Variants in ERAP1 observed in about 807,000 individuals in gnomAD.
ERAP1 encodes the protein endoplasmic reticulum aminopeptidase 1.
ERAP1 carries 86 observed loss-of-function variants against 103.7 expected under a neutral mutation model. That is an observed-to-expected ratio of 0.83 (90% confidence interval 0.70 to 0.99). ERAP1 has a LOEUF of 0.99. ERAP1 is among the 50% of genes least tolerant of loss of function. The pLI is 0.00. For synonymous variants in ERAP1, 398 were observed against 402.4 expected (o/e 0.99, Z 0.13); for missense variants, 1,009 against 1,128.4 (o/e 0.89, Z 1.52).
the ERAP1 span, among the ~76,000 whole-genome samples, chr5:96,923,275 G>A: frequency 1.3e-5 from 2 of 152,164 alleles, no homozygotes; most frequent in East Asian, 3.9e-4. Context: ...GGTCCTGGCT[G>A]TTTGGATTTT....
At chr5:96,880,162 C>G in the ERAP1 span, 1 of 1,614,052 alleles carries the variant, frequency 6.2e-7, no homozygotes. Context: ...TTACGCCTCA[C>G]CTGAAATACT....
rs1773881609 is a variant in ERAP1 at position 96,775,024 on chromosome 5, A to G, written c.*1372T>C. The G allele has an allele frequency of 5.1e-6, 5 of 985,210 alleles. No individual in the cohort carries two copies. The highest frequency in any genetic ancestry group is 6.0e-6 in the Non-Finnish European group (5 of 829,778). 61.0% of individuals were successfully genotyped at this position (985,210 alleles called of 1,614,324 possible). A position where few individuals can be genotyped will look rare whatever the true frequency, so the allele number is the denominator to read the frequency against. On this transcript the variant is annotated 3_prime_UTR_variant, in exon 19 of 19. Transcript: ENST00000443439. Reference sequence around the variant, plus strand: ...GTGAGGATTTCCGCACCTTAGAGTCAGCGCAAAACACGCTGCAACTTGAAT... The same window carrying G: ...GTGAGGATTTCCGCACCTTAGAGTCGGCGCAAAACACGCTGCAACTTGAAT...
chr5:96,864,812 ACTT>A, the ERAP1 span, among the ~76,000 whole-genome samples: 1 of 152,096 alleles, frequency 6.6e-6, no homozygotes, highest in Non-Finnish European at 1.5e-5. Flanking sequence ...AGGGAACAAT[ACTT>A]TTTTTTTCAA....
At chr5:96,817,127 ACTTGG>A in the ERAP1 span, among the ~76,000 whole-genome samples, 1 of 152,180 alleles carries the variant, frequency 6.6e-6, no homozygotes. Flanking sequence ...TAACCTAAAG[ACTTGG>A]GGTTGGAGGG....
At chr5:96,895,502 A>C in the ERAP1 span, 1 of 655,940 alleles carries the variant, frequency 1.5e-6, no homozygotes, top group Non-Finnish European at 2.7e-6. Flanking sequence ...TACACGAAAC[A>C]GATCACAGAA....
chr5:96,886,463 AG>A, the ERAP1 span, among the ~76,000 whole-genome samples: 1 of 152,172 alleles, frequency 6.6e-6, no homozygotes, highest in African/African-American at 2.4e-5. Context: ...TGTTTTCAAC[AG>A]AGTGTTGGGG....
At chr5:96,863,885 T>C in the ERAP1 span, among the ~76,000 whole-genome samples, 2 of 152,196 alleles carry the variant, frequency 1.3e-5, no homozygotes, top group African/African-American at 4.8e-5. Context: ...GCTCCTTTAG[T>C]ATCACTTCTT....
the ERAP1 span, among the ~76,000 whole-genome samples, chr5:96,841,747 C>CTTTTTTTTT: frequency 1.8e-4 from 19 of 108,506 alleles, no homozygotes; most frequent in African/African-American, 2.1e-4. Flanking sequence ...TCTTCTTCTT[C>CTTTTTTTTT]TTTTTTTTTT....
intron 8 of ERAP1, 150 bp downstream of exon 8, chr5:96,791,911 A>T (rs1776770589): frequency 1.4e-6 from 1 of 713,292 alleles, no homozygotes; most frequent in Non-Finnish European, 2.4e-6. Flanking sequence ...ACTGCAAGTT[A>T]GTCCTAAAAG....
rs1259380103 is a variant in ERAP1 at position 96,783,956 on chromosome 5, T to C, written c.2068A>G (p.Arg690Gly). ...TGAGTTTCCACTTCATTCATATCTC[T>C]TTTCTCCATTAACTTATACATAGGA... ...LIPMYKLMEK[R>G]DMNEVETQFK... Residue 690 changes from arginine (R) to glycine (G), a missense_variant, in exon 14 of 19, where the codon AGA becomes GGA. Around this residue, in one of 3 missense-constraint regions of ERAP1, gnomAD observed 611 missense variants for 651.7 expected, o/e 0.94. Transcript: ENST00000443439. 1 of 1,613,688 alleles carries C rather than the reference T, an allele frequency of 6.2e-7. No homozygotes were observed. Among genetic ancestry groups the C allele is most frequent in the African/African-American group, 1.3e-5 (1 of 74,912 alleles).
At chr5:96,876,350 A>T in the ERAP1 span, 1 of 152,340 alleles carries the variant, frequency 6.6e-6, no homozygotes, top group Non-Finnish European at 1.5e-5. Context: ...TTCTACAAAA[A>T]GTTTCTTGTC....
At chr5:96,761,143 A>G (rs1400710624) in exon 20 of ERAP1, 3 of 152,218 alleles carry the variant, frequency 2.0e-5, no homozygotes, top group Admixed American at 6.5e-5. Context: ...ATTAAATAAC[A>G]TATGCACATA....
the ERAP1 span, among the ~76,000 whole-genome samples, chr5:96,926,071 C>T: frequency 1.7e-4 from 26 of 151,814 alleles, no homozygotes; most frequent in African/African-American, 6.0e-4. Flanking sequence ...CCACCACGCC[C>T]GACTAATTTT....
the ERAP1 span, among the ~76,000 whole-genome samples, chr5:96,931,570 G>A: frequency 6.6e-6 from 1 of 152,184 alleles, no homozygotes; most frequent in South Asian, 2.1e-4. Flanking sequence ...TCTAGTAGGG[G>A]TGAGGTGAAG....
chr5:96,803,599 C>T lies in ERAP1; in HGVS notation c.328G>A (p.Gly110Arg). 1 of 1,614,186 alleles carries T rather than the reference C, an allele frequency of 6.2e-7. No homozygotes were observed. The highest frequency in any genetic ancestry group is 1.3e-5 in the African/African-American group (1 of 75,036). Residue 110 changes from glycine to arginine, a missense_variant, in exon 2 of 19, where the codon GGA becomes AGA. Physicochemically the swap from Gly to Arg is moderately radical, Grantham distance 125. Coordinates refer to ENST00000443439, the MANE Select transcript of ERAP1 (RefSeq NM_001040458.3). The stretch of plus-strand genomic sequence containing the variant: ...TCTTCCGATAGCCTCTCTCCAGCTC[C>T]CTTCCTGAGGGTGGCCCTAGATATC... ...LQISRATLRK[G>R]AGERLSEEPL...
At chr5:96,883,533 A>G in the ERAP1 span, among the ~76,000 whole-genome samples, 1 of 152,204 alleles carries the variant, frequency 6.6e-6, no homozygotes, top group Admixed American at 6.5e-5. Flanking sequence ...TCTGAGCCTC[A>G]ATATCCTTGT....
chr5:96,879,439 A>G, the ERAP1 span: 9 of 417,534 alleles, frequency 2.2e-5, no homozygotes, highest in African/African-American at 1.6e-4. Context: ...TTTTGTGGAT[A>G]CTTGGCCTAA....
At chr5:96,859,158 A>T in the ERAP1 span, among the ~76,000 whole-genome samples, 1 of 151,656 alleles carries the variant, frequency 6.6e-6, no homozygotes, top group African/African-American at 2.4e-5. Context: ...AATTAGCACA[A>T]GGCCTTCGTT....
chr5:96,865,966 G>T, the ERAP1 span, among the ~76,000 whole-genome samples: 1 of 152,100 alleles, frequency 6.6e-6, no homozygotes, highest in African/African-American at 2.4e-5. Flanking sequence ...TTTACTCTAC[G>T]CATGTATGTT....
Sources: allele counts gnomAD v4.1 joint callset (sites outside exome capture counted in the v4.1 genomes callset), GRCh38; gene constraint gnomAD v4.1.1; regional missense constraint gnomAD v4.1.1; transcripts MANE v1.5; gene names NCBI Gene and HGNC (gene_info 2026-07-23, HGNC 2026-07-21).